CSTPP1: variants seen among roughly 807,000 people sequenced by gnomAD.
CSTPP1 encodes centriolar satellite-associated tubulin polyglutamylase complex regulator 1, also known as UPF0705 protein C11orf49.
the CSTPP1 span, among the ~76,000 whole-genome samples, chr11:47,047,598 A>T: frequency 2.0e-5 from 3 of 152,244 alleles, no homozygotes; most frequent in Non-Finnish European, 4.4e-5. Flanking sequence ...TCATAACATT[A>T]AATTTAGCAA....
At chr11:47,017,546 T>C in the CSTPP1 span, among the ~76,000 whole-genome samples, 1 of 152,162 alleles carries the variant, frequency 6.6e-6, no homozygotes, top group Non-Finnish European at 1.5e-5. Context: ...TACTATCCCT[T>C]TATAATCACA....
chr11:46,998,736 TG>T, the CSTPP1 span, among the ~76,000 whole-genome samples: 20 of 151,852 alleles, frequency 1.3e-4, no homozygotes, highest in East Asian at 2.9e-3. Flanking sequence ...TTTTTTGTTT[TG>T]TTTTTTTTTG....
the CSTPP1 span, among the ~76,000 whole-genome samples, chr11:47,134,252 C>T: frequency 1.3e-5 from 2 of 152,028 alleles, no homozygotes. Flanking sequence ...GGCTGGAGTG[C>T]AGTGGCATGA....
At chr11:46,962,255 G>T in the CSTPP1 span, among the ~76,000 whole-genome samples, 3 of 152,144 alleles carry the variant, frequency 2.0e-5, no homozygotes, top group South Asian at 4.2e-4. Flanking sequence ...AAAATATAAG[G>T]GTTTATTTAT....
the CSTPP1 span, among the ~76,000 whole-genome samples, chr11:47,059,938 T>C: frequency 1.3e-5 from 2 of 151,866 alleles, no homozygotes; most frequent in African/African-American, 4.8e-5. Flanking sequence ...ATCCCTTCTT[T>C]ACTAAAAATA....
chr11:47,155,085 C>G, the CSTPP1 span: 41 of 1,022,722 alleles, frequency 4.0e-5, no homozygotes, highest in African/African-American at 7.9e-5. Context: ...CCCTCTCCCC[C>G]GCACTTTTCC....
the CSTPP1 span, among the ~76,000 whole-genome samples, chr11:47,074,273 G>C: frequency 6.6e-6 from 1 of 152,062 alleles, no homozygotes; most frequent in Non-Finnish European, 1.5e-5. Flanking sequence ...GCAAACATGG[G>C]AGGATTGCTT....
At chr11:46,996,310 A>T in the CSTPP1 span, among the ~76,000 whole-genome samples, 23 of 147,348 alleles carry the variant, frequency 1.6e-4, no homozygotes, top group Non-Finnish European at 2.4e-4. Flanking sequence ...ATTTTATTTT[A>T]TTTTTTTTTT....
At chr11:47,139,604 G>A in the CSTPP1 span, among the ~76,000 whole-genome samples, 1 of 151,904 alleles carries the variant, frequency 6.6e-6, no homozygotes, top group Admixed American at 6.6e-5. Context: ...AACCTGGGAG[G>A]CAGAGGTTGC....
the CSTPP1 span, chr11:46,948,300 A>T: frequency 4.7e-5 from 18 of 379,102 alleles, no homozygotes; most frequent in Middle Eastern, 9.3e-4. Context: ...CAGAAAGGAG[A>T]GATTAAATGT....
At chr11:47,044,920 A>T in the CSTPP1 span, among the ~76,000 whole-genome samples, 1 of 152,304 alleles carries the variant, frequency 6.6e-6, no homozygotes, top group South Asian at 2.1e-4. Flanking sequence ...AAAAATGTAT[A>T]TGTGGGCTGA....
the CSTPP1 span, among the ~76,000 whole-genome samples, chr11:47,046,409 G>A: frequency 6.6e-6 from 1 of 151,318 alleles, no homozygotes; most frequent in Admixed American, 6.6e-5. Flanking sequence ...AGGAAATTAA[G>A]AAAAGCAATT....
At chr11:46,943,120 C>T in the CSTPP1 span, among the ~76,000 whole-genome samples, 2 of 152,142 alleles carry the variant, frequency 1.3e-5, no homozygotes, top group African/African-American at 2.4e-5. Context: ...TTAATTCATA[C>T]GTATATGTGA....
At chr11:47,053,635 GAAAAA>G in the CSTPP1 span, among the ~76,000 whole-genome samples, 3 of 148,256 alleles carry the variant, frequency 2.0e-5, no homozygotes, top group Non-Finnish European at 3.0e-5. Flanking sequence ...AAAAAAAAAA[GAAAAA>G]AGAAAAGAAA....
At chr11:47,031,417 C>A in the CSTPP1 span, among the ~76,000 whole-genome samples, 1 of 152,218 alleles carries the variant, frequency 6.6e-6, no homozygotes, top group Non-Finnish European at 1.5e-5. Flanking sequence ...TAGAGCTGGG[C>A]ATGGTGGCTC....
At chr11:46,961,415 G>T in the CSTPP1 span, among the ~76,000 whole-genome samples, 5 of 152,200 alleles carry the variant, frequency 3.3e-5, no homozygotes, top group South Asian at 4.2e-4. Context: ...TTGGGTTGAG[G>T]TTAAGATGGC....
At chr11:47,107,854 T>C in the CSTPP1 span, among the ~76,000 whole-genome samples, 2 of 132,968 alleles carry the variant, frequency 1.5e-5, no homozygotes, top group African/African-American at 5.3e-5. Context: ...CTCGGTACAA[T>C]TCCCCCCCAG....
the CSTPP1 span, among the ~76,000 whole-genome samples, chr11:46,999,778 A>G: frequency 6.6e-6 from 1 of 152,196 alleles, no homozygotes; most frequent in Non-Finnish European, 1.5e-5. Context: ...TGGGTGATTT[A>G]CCTTTAAACA....
the CSTPP1 span, among the ~76,000 whole-genome samples, chr11:47,139,340 A>C: frequency 2.6e-5 from 4 of 152,162 alleles, no homozygotes; most frequent in African/African-American, 9.7e-5. Flanking sequence ...AAGGGTTGGC[A>C]GTGACTTGTG....
Sources: gnomAD v4.1 joint callset for allele counts (sites outside exome capture counted in the v4.1 genomes callset) on GRCh38, gnomAD v4.1.1 for gene constraint, MANE v1.5 for transcripts, NCBI Gene and HGNC (gene_info 2026-07-23, HGNC 2026-07-21) for gene names.